POLR1C: variants seen among roughly 807,000 people sequenced by gnomAD.
The protein encoded by POLR1C is RNA polymerase I and III subunit C.
In POLR1C, 42 loss-of-function variants were observed where a neutral mutation model predicts 38.3. That is an observed-to-expected ratio of 1.10 (90% CI 0.86 to 1.42). POLR1C has a LOEUF of 1.42. POLR1C is among the 40% of genes most tolerant of loss of function. The pLI, the probability that POLR1C is intolerant of heterozygous loss-of-function variation, is 0.00. For synonymous variants in POLR1C, 163 were observed against 163.9 expected (o/e 0.99, Z 0.04); for missense variants, 507 against 450.5 (o/e 1.13, Z -1.14).
At chr6:43,528,547 G>C (rs1793743167) in intron 8 of POLR1C, among the ~76,000 whole-genome samples, 1 of 152,158 alleles carries the variant, frequency 6.6e-6, no homozygotes, top group South Asian at 2.1e-4. Context: ...TTCCTGGCAA[G>C]GGTCTGTGAG....
At chr6:43,523,458 T>C (rs1793325372), downstream of POLR1C, 3 of 341,972 alleles carry the variant, frequency 8.8e-6, no homozygotes, top group South Asian at 4.6e-5. Flanking sequence ...CTGGCACAAG[T>C]AGTTGAGGGC....
At chr6:43,525,830 T>C, downstream of POLR1C, 2 of 1,613,962 alleles carry the variant, frequency 1.2e-6, no homozygotes, top group Non-Finnish European at 1.7e-6. Flanking sequence ...ACCTGCTCCT[T>C]CTACCCACCT....
intron 10 of POLR1C, among the ~76,000 whole-genome samples, chr6:43,552,716 A>C (rs1338200039): frequency 1.3e-5 from 2 of 152,114 alleles, no homozygotes; most frequent in Non-Finnish European, 2.9e-5. Flanking sequence ...ATTTCTCTAT[A>C]ATTTAGTAAA....
In POLR1C at chr6:43,546,791, A is replaced by G. The variant is rs372768337; in HGVS notation, c.*5-4177A>G. The G allele has an allele frequency of 1.9e-3, 651 of 349,232 alleles. 5 individuals are homozygous for G. The highest frequency in any genetic ancestry group is 0.011 in the African/African-American group (462 of 40,246). The allele number at this position is 349,232 out of a possible 1,614,324, so 21.6% of individuals were successfully genotyped here. On this transcript the variant is annotated intron_variant, in intron 9 of 10. Coordinates refer to the POLR1C transcript ENST00000607635. ...AGAATGACAGATAAATATTAAAAGG[A>G]AAAAAAAAAAAAGACCAAATACTGT...
At chr6:43,523,671 C>T, downstream of POLR1C, 1 of 883,056 alleles carries the variant, frequency 1.1e-6, no homozygotes, top group East Asian at 2.4e-5. Context: ...TAAGCCCTAA[C>T]TCCCTTTCTT....
At chr6:43,529,191 T>C (rs774838633) in intron 8 of POLR1C, 38 of 1,452,906 alleles carry the variant, frequency 2.6e-5, no homozygotes, top group Non-Finnish European at 3.5e-5. Flanking sequence ...AATAAAAAAA[T>C]AGGAAGGAGG....
At chr6:43,523,357 C>T (rs1005892118), downstream of POLR1C, 1 of 278,756 alleles carries the variant, frequency 3.6e-6, no homozygotes, top group African/African-American at 2.2e-5. Context: ...TAGCACCTAA[C>T]CCAGACATGC....
intron 8 of POLR1C, chr6:43,527,688 T>C (rs778802584): frequency 6.2e-7 from 1 of 1,613,932 alleles, no homozygotes; most frequent in Non-Finnish European, 8.5e-7. Context: ...TCCTCCAGCA[T>C]CTCTTGAGAC....
intron 9 of POLR1C, among the ~76,000 whole-genome samples, chr6:43,543,257 A>G (rs572529856): frequency 2.0e-5 from 3 of 152,106 alleles, no homozygotes; most frequent in Non-Finnish European, 4.4e-5. Flanking sequence ...GTTCAAGACT[A>G]GCCTCAGCAA....
At chr6:43,538,213 G>T (rs1313518201) in intron 9 of POLR1C, among the ~76,000 whole-genome samples, 4 of 122,328 alleles carry the variant, frequency 3.3e-5, no homozygotes, top group South Asian at 5.9e-4. Flanking sequence ...ACAATGGCGT[G>T]ATCTCAGCTC....
In POLR1C at chr6:43,520,104, C is replaced by A; in HGVS notation, c.421C>A (p.Arg141Ser). The change falls in exon 5 of 9, where the codon CGT becomes AGT. Residue 141 changes from arginine (R) to serine (S), a missense_variant. Coordinates refer to ENST00000642195, the MANE Select transcript of POLR1C (RefSeq NM_203290.4). ...EGTEIDTLQFRLQVRCTRNPH... is the reference protein window; with the variant it reads ...EGTEIDTLQFSLQVRCTRNPH... Reference sequence around the variant, plus strand: ...CACAGAGATAGATACTCTACAGTTTCGTCTCCAGGTCAGATGCACTCGGAA... The same window carrying A: ...CACAGAGATAGATACTCTACAGTTTAGTCTCCAGGTCAGATGCACTCGGAA... The A allele has an allele frequency of 6.2e-7, 1 of 1,614,180 alleles. No individual in the cohort carries two copies. The highest frequency in any genetic ancestry group is 8.5e-7 in the Non-Finnish European group (1 of 1,180,024).
intron 9 of POLR1C, chr6:43,539,089 G>A: frequency 1.5e-6 from 2 of 1,336,426 alleles, no homozygotes; most frequent in Non-Finnish European, 2.1e-6. Context: ...CAGGTGCGGA[G>A]ACAATGCCAG....
At chr6:43,539,585 C>T (rs1465614882) in intron 9 of POLR1C, 44 of 1,357,506 alleles carry the variant, frequency 3.2e-5, no homozygotes, top group Admixed American at 5.4e-5. Context: ...GCCCGGTCCA[C>T]GGCTGCGACC....
At chr6:43,562,088 A>C (rs907017600) in exon 11 of POLR1C, 2 of 537,346 alleles carry the variant, frequency 3.7e-6, no homozygotes, top group African/African-American at 3.8e-5. Flanking sequence ...ACACTATTCT[A>C]TTAAGATAAT....
intron 2 of POLR1C, among the ~76,000 whole-genome samples, chr6:43,518,912 C>T (rs1792990427): frequency 1.3e-5 from 2 of 152,148 alleles, no homozygotes. Flanking sequence ...AAACTCCTGA[C>T]CTTGTGATCT....
rs1489597837 is a variant in POLR1C, at chr6:43,561,045, A to C, written c.*49-355A>C. The C allele has an allele frequency of 2.6e-6, 4 of 1,520,080 alleles. No homozygotes were observed. The South Asian group carries it at 4.5e-5, about 17-fold the overall frequency. 94.2% of individuals were successfully genotyped at this position (1,520,080 alleles called of 1,614,324 possible). A position where few individuals can be genotyped will look rare whatever the true frequency, so the allele number is the denominator to read the frequency against. On this transcript the variant is annotated intron_variant, in intron 10 of 10. Transcript: ENST00000607635. Reference sequence around the variant, plus strand: ...ACCACTATATTAACGGTGTTGATCGAGAAAAGCAGGAGAGGAAAAAGCAGG... The same window carrying C: ...ACCACTATATTAACGGTGTTGATCGCGAAAAGCAGGAGAGGAAAAAGCAGG...
At chr6:43,521,839 C>T (rs1270073181), downstream of POLR1C, among the ~76,000 whole-genome samples, 1 of 152,150 alleles carries the variant, frequency 6.6e-6, no homozygotes, top group African/African-American at 2.4e-5. Flanking sequence ...AACAGGGGGC[C>T]TCACTTCAGA....
At chr6:43,561,321 C>A (rs1762402672) in intron 10 of POLR1C, 1 of 288,218 alleles carries the variant, frequency 3.5e-6, no homozygotes, top group South Asian at 4.8e-5. Flanking sequence ...CTTCCTCAGA[C>A]CTTACCTATT....
At chr6:43,561,938 A>C (rs1015293273) in exon 11 of POLR1C, 1 of 206,138 alleles carries the variant, frequency 4.9e-6, no homozygotes, top group African/African-American at 2.3e-5. Flanking sequence ...AGAATGTAAA[A>C]GCATAAAGCA....
Sources: allele counts gnomAD v4.1 joint callset (sites outside exome capture counted in the v4.1 genomes callset), GRCh38; gene constraint gnomAD v4.1.1; transcripts MANE v1.5; gene names NCBI Gene and HGNC (gene_info 2026-07-23, HGNC 2026-07-21).